Variants in RGPD4 observed in about 807,000 individuals in gnomAD.
The protein encoded by RGPD4 is RANBP2 like and GRIP domain containing 4.
Under a neutral mutation model 141.1 loss-of-function variants are expected in RGPD4, and 84 were observed. That is an observed-to-expected ratio of 0.60 (90% CI 0.50 to 0.71). The LOEUF is 0.71. RGPD4 is among the 30% of genes least tolerant of loss of function. The probability of loss-of-function intolerance (pLI) is 0.00; values close to 1 mark genes in which losing one functional copy is unlikely to be tolerated. For missense variants in RGPD4, 918 were observed against 1,622.4 expected, an observed-to-expected ratio of 0.57 and a Z score of 7.46; for synonymous variants, 298 against 566.8, an observed-to-expected ratio of 0.53 and a Z score of 6.74.
chr2:107,835,582 T>C (rs1403911320), intron 1 of RGPD4, among the ~76,000 whole-genome samples: 19 of 152,012 alleles, frequency 1.2e-4, no homozygotes, highest in Admixed American at 1.2e-3. Flanking sequence ...TACTTAGTTA[T>C]TCTTTCCCAT....
In RGPD4 at chr2:107,869,193, T is replaced by C. The variant is rs570939498; in HGVS notation, c.2606-690T>C. 6.8e-3 allele frequency among the ~76,000 whole-genome samples: 478 copies of C among 70,144 alleles called. 182 individuals carry two copies. The highest frequency in any genetic ancestry group is 0.029 in the African/African-American group (462 of 15,780). The allele number at this position is 70,144 out of a possible 152,430, so 46.0% of individuals were successfully genotyped here. On this transcript the variant is annotated intron_variant, in intron 18 of 22. Transcript: ENST00000408999. ...TGTACAGGCATGAAAGATCTTTTGG[T>C]TGTTTTCTGGTAAAACTATCATAAA...
At chr2:107,874,793 A>G (rs2104504168) in intron 20 of RGPD4, among the ~76,000 whole-genome samples, 1 of 151,540 alleles carries the variant, frequency 6.6e-6, no homozygotes, top group Non-Finnish European at 1.5e-5. Context: ...AAGAGAGGCT[A>G]TCTGATTTAC....
rs1675666054 is a variant in RGPD4 at position 107,891,846 on chromosome 2, A to T, written c.*1115A>T. Among the ~76,000 whole-genome samples, 1 of 126,676 alleles carries T rather than the reference A, an allele frequency of 7.9e-6. No individual in the cohort carries two copies. The highest frequency in any genetic ancestry group is 1.8e-5 in the Non-Finnish European group (1 of 56,758). The allele number at this position is 126,676 out of a possible 152,430, so 83.1% of individuals were successfully genotyped here. Reference sequence around the variant, plus strand: ...AGCTTTCCATCAGAAGGGATTTTAGACACCTTAGAGGTCCGTGCTACATCT... The same window carrying T: ...AGCTTTCCATCAGAAGGGATTTTAGTCACCTTAGAGGTCCGTGCTACATCT... On this transcript the variant is annotated 3_prime_UTR_variant, in exon 23 of 23. Transcript: ENST00000408999.
chr2:107,878,364 T>G (rs1480362159), intron 20 of RGPD4, among the ~76,000 whole-genome samples: 2 of 148,264 alleles, frequency 1.3e-5, no homozygotes, highest in Admixed American at 6.7e-5. Context: ...CTTCTAGACA[T>G]GCACACTGTA....
intron 1 of RGPD4, among the ~76,000 whole-genome samples, chr2:107,829,630 G>A (rs1434298878): frequency 2.6e-5 from 4 of 152,034 alleles, no homozygotes; most frequent in East Asian, 1.9e-4. Flanking sequence ...GGCGCCGGCC[G>A]GCTGGCGCAG....
At chr2:107,854,139 C>T (rs577603223) in intron 7 of RGPD4, among the ~76,000 whole-genome samples, 32 of 134,170 alleles carry the variant, frequency 2.4e-4, no homozygotes, top group African/African-American at 8.7e-4. Flanking sequence ...ACTACAACCT[C>T]TGCCTCCCAG....
rs1001395181 is a variant in RGPD4, at chr2:107,846,283, G to C, written c.783-2058G>C. Among the ~76,000 whole-genome samples the C allele has an allele frequency of 1.1e-4, 17 of 151,302 alleles. 1 individual carries two copies. The highest frequency in any genetic ancestry group is 4.1e-4 in the African/African-American group (17 of 41,048). On this transcript the variant is annotated intron_variant, in intron 6 of 22. Transcript: ENST00000408999. The stretch of plus-strand genomic sequence containing the variant: ...CCTTGGCCTCCCAAAGTACTGGAAG[G>C]TCTCAATCTCTTGACATCGTGATCC...
rs574996433 is a variant in RGPD4, at chr2:107,855,469, G to A, written c.1066+826G>A. ...CTACCCTTGCAGGGCTCTCATAAGT[G>A]CCTTTGCGTGGTGTCACAGTTAGAT... On this transcript the variant is annotated intron_variant, in intron 8 of 22. Coordinates refer to ENST00000408999, the MANE Select transcript of RGPD4 (RefSeq NM_182588.3). Among the ~76,000 whole-genome samples, 253 of 151,874 alleles carry A rather than the reference G, an allele frequency of 1.7e-3. 5 individuals are homozygous for A. The highest frequency in any genetic ancestry group is 7.8e-3 in the East Asian group (40 of 5,152).
At position 107,888,147 on chromosome 2, in the gene RGPD4, G is replaced by A. The variant is rs202031248; in HGVS notation, c.5267-2574G>A. ...GTAAGTGCCTGATTTGATTTGCAGAGGATATAGAACCTTATCAGAAAACAA... is the reference window on the plus strand; with the variant it reads ...GTAAGTGCCTGATTTGATTTGCAGAAGATATAGAACCTTATCAGAAAACAA... On this transcript the variant is annotated intron_variant, in intron 22 of 22. Transcript: ENST00000408999. 1.6e-3 allele frequency among the ~76,000 whole-genome samples: 243 copies of A among 148,260 alleles called. 2 individuals are homozygous for A. The East Asian group carries it at 0.031, about 19-fold the overall frequency.
At chr2:107,854,823 A>T (rs1682251684) in intron 8 of RGPD4, among the ~76,000 whole-genome samples, 180 bp downstream of exon 8, 1 of 152,032 alleles carries the variant, frequency 6.6e-6, no homozygotes, top group South Asian at 2.1e-4. Context: ...TTCTTTTAAA[A>T]AAATGAATAT....
chr2:107,854,086 G>C (rs1404944349), intron 7 of RGPD4, among the ~76,000 whole-genome samples: 2 of 123,976 alleles, frequency 1.6e-5, no homozygotes, highest in East Asian at 4.5e-4. Flanking sequence ...ATGGAGTCTC[G>C]CTCTTTCACC....
chr2:107,884,273 T>C (rs1675448777), intron 22 of RGPD4, among the ~76,000 whole-genome samples: 1 of 152,104 alleles, frequency 6.6e-6, no homozygotes, highest in African/African-American at 2.4e-5. Flanking sequence ...AGCTAATTTT[T>C]CTATTTTTAG....
chr2:107,889,012 G>A (rs534549012), intron 22 of RGPD4, among the ~76,000 whole-genome samples: 15 of 141,116 alleles, frequency 1.1e-4, no homozygotes, highest in South Asian at 2.2e-4. Context: ...TAAATAACAC[G>A]CAGATAAAAC....
intron 18 of RGPD4, among the ~76,000 whole-genome samples, chr2:107,867,197 C>T (rs575290779): frequency 1.3e-5 from 2 of 149,950 alleles, no homozygotes; most frequent in Non-Finnish European, 3.0e-5. Flanking sequence ...ACATTGCTCC[C>T]AGGCAGCCAG....
At chr2:107,849,306 G>T (rs1310344213) in intron 7 of RGPD4, among the ~76,000 whole-genome samples, 1 of 109,262 alleles carries the variant, frequency 9.2e-6, no homozygotes, top group Admixed American at 9.3e-5. Context: ...TACCTGCCTT[G>T]GTCTCCCAAA....
chr2:107,830,177 T>A (rs1451867303), intron 1 of RGPD4, among the ~76,000 whole-genome samples: 2 of 149,090 alleles, frequency 1.3e-5, no homozygotes, highest in Non-Finnish European at 3.0e-5. Context: ...TGCCTTTGCT[T>A]AAAAAAAAAA....
rs1682827624 is a variant in RGPD4 at position 107,869,195 on chromosome 2, G to A, written c.2606-688G>A. ...TACAGGCATGAAAGATCTTTTGGTTGTTTTCTGGTAAAACTATCATAAAAC... is the reference window on the plus strand; with the variant it reads ...TACAGGCATGAAAGATCTTTTGGTTATTTTCTGGTAAAACTATCATAAAAC... On this transcript the variant is annotated intron_variant, in intron 18 of 22. Transcript: ENST00000408999. 2.9e-5 allele frequency among the ~76,000 whole-genome samples: 2 copies of A among 69,758 alleles called. 1 individual carries two copies. Among genetic ancestry groups the A allele is most frequent in the Admixed American group, 2.3e-4 (2 of 8,662 alleles). 45.8% of individuals were successfully genotyped at this position (69,758 alleles called of 152,430 possible). A position where few individuals can be genotyped will look rare whatever the true frequency, so the allele number is the denominator to read the frequency against.
At chr2:107,828,111 G>A (rs868206105) in intron 1 of RGPD4, among the ~76,000 whole-genome samples, 117 of 10,278 alleles carry the variant, frequency 0.011, no homozygotes, top group Non-Finnish European at 0.016. Flanking sequence ...GGGCGGCGGC[G>A]GCCTCGACCT....
At position 107,833,386 on chromosome 2, in the gene RGPD4, C is replaced by T. The variant is rs570697246; in HGVS notation, c.73-3216C>T. On this transcript the variant is annotated intron_variant, in intron 1 of 22. Transcript: ENST00000408999. The stretch of plus-strand genomic sequence containing the variant: ...GGGGTCTTACTGTTCCTGTTTTCAG[C>T]CCTGCATCAGTTCTTGATATTTGGC... 1.6e-4 allele frequency among the ~76,000 whole-genome samples: 24 copies of T among 152,170 alleles called. No homozygotes were observed. In the East Asian group the frequency reaches 4.6e-3, roughly 29 times the overall value.
Sources: allele counts gnomAD v4.1 joint callset (sites outside exome capture counted in the v4.1 genomes callset), GRCh38; gene constraint gnomAD v4.1.1; transcripts MANE v1.5; gene names NCBI Gene and HGNC (gene_info 2026-07-23, HGNC 2026-07-21).